The following GRID1 variants were observed in gnomAD, a reference collection of about 807,000 sequenced individuals.
GRID1 encodes glutamate ionotropic receptor delta type subunit 1.
A neutral mutation model predicts 98.0 loss-of-function variants in GRID1; 28 were observed. The ratio of observed to expected loss-of-function variants is 0.29; its 90% confidence interval spans 0.21 to 0.39. The LOEUF is 0.39. GRID1 is among the 10% of genes least tolerant of loss of function. The pLI is 1.00. For synonymous variants in GRID1, 553 were observed against 538.5 expected (o/e 1.03, Z -0.37); for missense variants, 1,111 against 1,340.5 (o/e 0.83, Z 2.67).
At chr10:86,311,350 A>T (rs1847829616) in intron 2 of GRID1, among the ~76,000 whole-genome samples, 1 of 151,932 alleles carries the variant, frequency 6.6e-6, no homozygotes, top group South Asian at 2.1e-4. Context: ...CAGCTGGGAG[A>T]CCTAGTCGGG....
chr10:86,006,823 G>C (rs927467560), intron 4 of GRID1, among the ~76,000 whole-genome samples: 8 of 151,080 alleles, frequency 5.3e-5, no homozygotes, highest in Admixed American at 4.6e-4. Flanking sequence ...AAAACAATTC[G>C]GGTGTCACTG....
chr10:85,871,324 G>A (rs1843276390), intron 5 of GRID1, among the ~76,000 whole-genome samples: 1 of 152,114 alleles, frequency 6.6e-6, no homozygotes, highest in African/African-American at 2.4e-5. Flanking sequence ...GGTTTTATGG[G>A]TACTAAACTG....
intron 8 of GRID1, among the ~76,000 whole-genome samples, chr10:85,806,825 A>T (rs1043759023): frequency 2.0e-5 from 3 of 152,174 alleles, no homozygotes; most frequent in African/African-American, 7.2e-5. Context: ...TTTTAGTGTC[A>T]TGGAAAGGTT....
intron 12 of GRID1, among the ~76,000 whole-genome samples, chr10:85,719,688 T>C (rs1469073734): frequency 6.6e-6 from 1 of 152,056 alleles, no homozygotes; most frequent in Non-Finnish European, 1.5e-5. Context: ...TTCTGGGAAA[T>C]ATAATTCAGG....
At chr10:85,817,717 C>A (rs1842728541) in intron 8 of GRID1, among the ~76,000 whole-genome samples, 1 of 151,972 alleles carries the variant, frequency 6.6e-6, no homozygotes, top group South Asian at 2.1e-4. Context: ...CATGGTGAAA[C>A]CCCATCTCTA....
At chr10:86,051,584 C>G (rs889055498) in intron 4 of GRID1, among the ~76,000 whole-genome samples, 2 of 149,986 alleles carry the variant, frequency 1.3e-5, no homozygotes, top group Non-Finnish European at 3.0e-5. Context: ...GGTATAAAAC[C>G]CCTGCTATAA....
chr10:86,280,387 C>A lies in GRID1; in HGVS notation c.236-73739G>T, dbSNP rs1455519535. On this transcript the variant is annotated intron_variant, in intron 2 of 15. Transcript: ENST00000327946. ...TCTACTTGCTGCTCCTTCAATGATT[C>A]CTTGTTCTTCATTTCAGGAGCACAG... 2.6e-5 allele frequency among the ~76,000 whole-genome samples: 4 copies of A among 152,252 alleles called. No homozygotes were observed. The East Asian group carries it at 7.7e-4, about 29-fold the overall frequency.
chr10:86,175,483 C>A (rs1236087080), intron 3 of GRID1, among the ~76,000 whole-genome samples: 1 of 152,112 alleles, frequency 6.6e-6, no homozygotes, highest in Admixed American at 6.5e-5. Flanking sequence ...TTCCATATGA[C>A]CTAGCCAGCT....
intron 12 of GRID1, among the ~76,000 whole-genome samples, chr10:85,673,614 T>C (rs1224635015): frequency 5.3e-5 from 8 of 152,134 alleles, no homozygotes; most frequent in South Asian, 2.1e-4. Context: ...AAGGCTCAGG[T>C]GGGGGTTAGT....
chr10:85,858,032 T>C (rs1049268473), intron 6 of GRID1, among the ~76,000 whole-genome samples: 1 of 152,232 alleles, frequency 6.6e-6, no homozygotes, highest in South Asian at 2.1e-4. Flanking sequence ...TGCCCCGTCA[T>C]GCCTGTCCAG....
In GRID1 at chr10:85,748,197, G is replaced by A. The variant is rs150330837; in HGVS notation, c.1234-18583C>T. ...ACATTCAGTAAGAACATCTGCAACTGAACTGAAAGAAATGGAATGGAATGG... is the reference window on the plus strand; with the variant it reads ...ACATTCAGTAAGAACATCTGCAACTAAACTGAAAGAAATGGAATGGAATGG... On this transcript the variant is annotated intron_variant, in intron 8 of 15. Coordinates refer to ENST00000327946, the MANE Select transcript of GRID1 (RefSeq NM_017551.3). 2.4e-3 allele frequency among the ~76,000 whole-genome samples: 369 copies of A among 152,164 alleles called. 3 individuals are homozygous for A. The highest frequency in any genetic ancestry group is 8.4e-3 in the African/African-American group (347 of 41,496).
At chr10:85,863,620 A>G (rs1843186820) in intron 6 of GRID1, among the ~76,000 whole-genome samples, 1 of 152,136 alleles carries the variant, frequency 6.6e-6, no homozygotes, top group South Asian at 2.1e-4. Flanking sequence ...GATAATAAGC[A>G]TATAAACCCC....
At chr10:86,210,065 T>C (rs1846086193) in intron 2 of GRID1, among the ~76,000 whole-genome samples, 1 of 152,010 alleles carries the variant, frequency 6.6e-6, no homozygotes. Context: ...TAGGATCCAC[T>C]GAGGAGACAG....
At chr10:85,834,184 T>A (rs959545236) in intron 8 of GRID1, among the ~76,000 whole-genome samples, 4 of 152,162 alleles carry the variant, frequency 2.6e-5, no homozygotes, top group Non-Finnish European at 5.9e-5. Flanking sequence ...AGACATATCA[T>A]AATAAAACTT....
chr10:86,206,331 A>C lies in GRID1; in HGVS notation c.520+33T>G. 6.4e-7 allele frequency: 1 copy of C among 1,563,172 alleles called. No homozygotes were observed. Among genetic ancestry groups the C allele is most frequent in the Non-Finnish European group, 8.7e-7 (1 of 1,151,698 alleles). On this transcript the variant is annotated intron_variant, in intron 3 of 15. Coordinates refer to ENST00000327946, the MANE Select transcript of GRID1 (RefSeq NM_017551.3). The surrounding 1 kb of genome is among the most constrained non-coding windows in gnomAD (Gnocchi z 4.1). ...CCAGCATCTGGCCATCCCTGTCCCC[A>C]AGCAGCCCCAGCTCGCCTGCCGGAC...
rs1443312973 is a variant in GRID1, at chr10:85,602,436, C to T, written c.2867G>A (p.Ser956Asn). 11 of 1,614,166 alleles carry T rather than the reference C, an allele frequency of 6.8e-6. No individual in the cohort carries two copies. Among genetic ancestry groups the T allele is most frequent in the Non-Finnish European group, 7.6e-6 (9 of 1,180,042 alleles). ...CATGGAGGGCATGGTCGCCGAGCTG[C>T]TCAGCGGCAGCGGCAGGTTGCTGCT... ...GPSSNLPLPLSSSATMPSMQC... is the reference protein window; with the variant it reads ...GPSSNLPLPLNSSATMPSMQC... Residue 956 changes from serine (S) to asparagine (N), a missense_variant, in exon 16 of 16, where the codon AGC becomes AAC. Coordinates refer to ENST00000327946, the MANE Select transcript of GRID1 (RefSeq NM_017551.3).
At position 86,088,776 on chromosome 10, in the gene GRID1, G is replaced by GCTCAGGAC. The variant is rs1180814099; in HGVS notation, c.726+50035_726+50042dup. Among the ~76,000 whole-genome samples, 4 of 152,266 alleles carry GCTCAGGAC rather than the reference G, an allele frequency of 2.6e-5. No individual in the cohort carries two copies. The East Asian group carries it at 7.7e-4, about 29-fold the overall frequency. The stretch of plus-strand genomic sequence containing the variant: ...TCAATGAAGAGAAGAAGGCAGACCA[G>GCTCAGGAC]CTCAGGACCTCAGGACCTGAGGAAT... On this transcript the variant is annotated intron_variant, in intron 4 of 15. Transcript: ENST00000327946.
intron 8 of GRID1, among the ~76,000 whole-genome samples, chr10:85,818,703 C>A (rs1842736696): frequency 6.6e-6 from 1 of 150,582 alleles, no homozygotes; most frequent in South Asian, 2.1e-4. Flanking sequence ...GTAACCAAAG[C>A]CAGAAAAATG....
intron 13 of GRID1, among the ~76,000 whole-genome samples, chr10:85,632,392 A>C (rs1365077504): frequency 6.6e-6 from 1 of 152,214 alleles, no homozygotes; most frequent in African/African-American, 2.4e-5. Context: ...AGCCATAAGG[A>C]TCACCTGGAG....
Sources: gnomAD v4.1 joint callset for allele counts (sites outside exome capture counted in the v4.1 genomes callset) on GRCh38, gnomAD v4.1.1 for gene constraint, Gnocchi (gnomAD v3.1) non-coding constraint, MANE v1.5 for transcripts, NCBI Gene and HGNC (gene_info 2026-07-23, HGNC 2026-07-21) for gene names.